SPATA7: variants seen among roughly 807,000 people sequenced by gnomAD.
SPATA7 encodes spermatogenesis-associated protein 7.
A neutral mutation model predicts 51.8 loss-of-function variants in SPATA7; 43 were observed. The observed-to-expected ratio is 0.83, with a 90% CI of 0.65 to 1.07. The LOEUF is 1.07. SPATA7 is among the 50% of genes least tolerant of loss of function. The pLI is 0.00. For missense variants in SPATA7, 683 were observed against 701.3 expected, an observed-to-expected ratio of 0.97 and a Z score of 0.30; for synonymous variants, 230 against 252.8, an observed-to-expected ratio of 0.91 and a Z score of 0.86.
chr14:88,464,851 T>C (rs1188287104), intron 4 of SPATA7, among the ~76,000 whole-genome samples: 1 of 152,224 alleles, frequency 6.6e-6, no homozygotes, highest in Non-Finnish European at 1.5e-5. Flanking sequence ...TTACTGTACA[T>C]AGTTGTATAT....
intron 3 of SPATA7, among the ~76,000 whole-genome samples, chr14:88,447,600 C>T (rs1191516843): frequency 6.6e-6 from 1 of 151,984 alleles, no homozygotes; most frequent in African/African-American, 2.4e-5. Flanking sequence ...TACATTTTGG[C>T]ATGATTTTGC....
rs772148541 is a variant in SPATA7, at chr14:88,426,270, A to C, written c.411A>C (p.Lys137Asn). Residue 137 changes from lysine to asparagine, a missense_variant, in exon 6 of 12, where the codon AAA (lysine) becomes AAC (asparagine). Transcript: ENST00000393545. ...CGCAAATTGAGGATGACATGTTAAA[A>C]GAAGAAATGAATGGATTTTCATCCT... ...GEPQIEDDML[K>N]EEMNGFSSFA... The C allele has an allele frequency of 5.9e-5, 95 of 1,614,012 alleles. No homozygotes were observed. Among genetic ancestry groups the C allele is most frequent in the Non-Finnish European group, 7.7e-5 (91 of 1,180,016 alleles).
chr14:88,408,777 A>G (rs977333328), intron 4 of SPATA7, among the ~76,000 whole-genome samples: 13 of 152,236 alleles, frequency 8.5e-5, no homozygotes, highest in Admixed American at 8.5e-4. Flanking sequence ...TTTGAGATAC[A>G]TTCTATCAAC....
At chr14:88,405,874 T>A (rs966897127) in intron 4 of SPATA7, among the ~76,000 whole-genome samples, 4 of 152,246 alleles carry the variant, frequency 2.6e-5, no homozygotes, top group Admixed American at 6.5e-5. Context: ...AAAGAATTGC[T>A]TGCACTTTTT....
downstream of SPATA7, among the ~76,000 whole-genome samples, chr14:88,443,288 C>T (rs1055652366): frequency 6.6e-6 from 1 of 152,066 alleles, no homozygotes; most frequent in Admixed American, 6.6e-5. Context: ...TCTCACTGCT[C>T]GTTATTGGTC....
At chr14:88,429,714 T>C (rs2076890049) in intron 8 of SPATA7, among the ~76,000 whole-genome samples, 1 of 152,138 alleles carries the variant, frequency 6.6e-6, no homozygotes, top group Non-Finnish European at 1.5e-5. Flanking sequence ...TATTATTTAT[T>C]ATCACTGTTC....
chr14:88,436,186 T>C (rs2077082307), intron 10 of SPATA7, among the ~76,000 whole-genome samples: 1 of 152,212 alleles, frequency 6.6e-6, no homozygotes, highest in African/African-American at 2.4e-5. Context: ...TACCTTTTCA[T>C]ATTCCTGTCT....
Position 88,469,915 on chromosome 14 carries a change from T to C in SPATA7, c.*48T>C. 6.2e-6 allele frequency: 10 copies of C among 1,613,968 alleles called. No individual in the cohort carries two copies. Among genetic ancestry groups the C allele is most frequent in the Non-Finnish European group, 8.5e-6 (10 of 1,179,986 alleles). ...GAGAAAATCACTTAAGAGAAATAAG[T>C]ACCTACCTCTTCTGCTGTCACCATT... is the stretch of plus-strand genomic sequence containing the variant. On this transcript the variant is annotated 3_prime_UTR_variant, in exon 5 of 5. Transcript: ENST00000556406. This position sits in a 1 kb window ranked among gnomAD's most constrained non-coding sequence, Gnocchi z 4.3.
At chr14:88,427,901 G>C in intron 7 of SPATA7, 1 of 488,498 alleles carries the variant, frequency 2.0e-6, no homozygotes, top group Non-Finnish European at 3.8e-6. Flanking sequence ...TGCCAAATCT[G>C]GGAAGTCATT....
At chr14:88,416,937 GC>G (rs2076496762) in intron 5 of SPATA7, 93 bp downstream of exon 5, 4 of 1,119,822 alleles carry the variant, frequency 3.6e-6, no homozygotes, top group Non-Finnish European at 5.1e-6. Context: ...TTTAGGGTCA[GC>G]AAATTTTTCC....
intron 3 of SPATA7, among the ~76,000 whole-genome samples, chr14:88,394,016 G>T (rs2075814708): frequency 1.3e-5 from 2 of 152,016 alleles, no homozygotes; most frequent in Middle Eastern, 3.2e-3. Flanking sequence ...ACCTGTTTCT[G>T]TACAGCCCAT....
At chr14:88,417,143 T>C (rs1180434056) in intron 5 of SPATA7, among the ~76,000 whole-genome samples, 1 of 152,186 alleles carries the variant, frequency 6.6e-6, no homozygotes, top group African/African-American at 2.4e-5. Context: ...TTATAGGTTT[T>C]TTGTGATACC....
intron 4 of SPATA7, among the ~76,000 whole-genome samples, chr14:88,399,062 A>G (rs2075983237): frequency 6.6e-6 from 1 of 152,046 alleles, no homozygotes; most frequent in African/African-American, 2.4e-5. Context: ...AAAAAAAAAA[A>G]AAAAGAAAAA....
intron 4 of SPATA7, among the ~76,000 whole-genome samples, chr14:88,464,958 C>T (rs1189444874): frequency 1.3e-5 from 2 of 152,104 alleles, no homozygotes; most frequent in Non-Finnish European, 2.9e-5. Context: ...GTCATGCTGT[C>T]GCCACTCAGT....
intron 6 of SPATA7, among the ~76,000 whole-genome samples, chr14:88,427,203 A>G (rs1350013254): frequency 2.0e-4 from 31 of 152,204 alleles, no homozygotes; most frequent in Non-Finnish European, 5.9e-5. Flanking sequence ...GAAATTAAGT[A>G]TAATTTGCCT....
chr14:88,393,686 CTA>C (rs2075805088), intron 3 of SPATA7, 198 bp downstream of exon 3: 3 of 462,324 alleles, frequency 6.5e-6, no homozygotes, highest in South Asian at 7.2e-5. Context: ...TATTTGAAAT[CTA>C]TATATTGCCT....
intron 3 of SPATA7, among the ~76,000 whole-genome samples, chr14:88,454,320 C>G (rs1204380157): frequency 6.6e-6 from 1 of 152,030 alleles, no homozygotes; most frequent in East Asian, 1.9e-4. Context: ...TACTAAAGAC[C>G]CTGGTGATTA....
rs1266422190 is a variant in SPATA7, at chr14:88,438,169, A to C, written c.1547A>C (p.Glu516Ala). ...IQQVNDETNL[E>A]TSTLDENHPS... Reference sequence around the variant, plus strand: ...CAGGTGAATGATGAAACAAATCTTGAAACTTCAACTTTGGATGAAAATCAT... The same window carrying C: ...CAGGTGAATGATGAAACAAATCTTGCAACTTCAACTTTGGATGAAAATCAT... The change falls in exon 12 of 12, where the codon GAA (glutamate) becomes GCA (alanine). Residue 516 changes from glutamate (E) to alanine (A), a missense_variant. Glu to Ala is a moderately radical substitution (Grantham distance 107). Transcript: ENST00000393545. The C allele has an allele frequency of 6.2e-7, 1 of 1,613,576 alleles. No individual in the cohort carries two copies. The highest frequency in any genetic ancestry group is 8.5e-7 in the Non-Finnish European group (1 of 1,179,790).
intron 3 of SPATA7, among the ~76,000 whole-genome samples, chr14:88,454,054 G>A (rs555258252): frequency 3.9e-5 from 6 of 152,208 alleles, no homozygotes; most frequent in African/African-American, 1.2e-4. Context: ...AGTTTCTCCC[G>A]AGAGAAAGAA....
Sources: allele counts gnomAD v4.1 joint callset (sites outside exome capture counted in the v4.1 genomes callset), GRCh38; gene constraint gnomAD v4.1.1; non-coding constraint Gnocchi (gnomAD v3.1); transcripts MANE v1.5; gene names NCBI Gene and HGNC (gene_info 2026-07-23, HGNC 2026-07-21).